Variants in TACR1 observed in about 807,000 individuals in gnomAD.
TACR1 encodes tachykinin receptor 1.
TACR1 carries 25 observed loss-of-function variants against 35.8 expected under a neutral mutation model. That is an observed-to-expected ratio of 0.70 (90% confidence interval 0.51 to 0.98). The LOEUF is 0.98. Among genes scored for constraint, TACR1 ranks in the 50% least tolerant of loss-of-function variants. The probability of loss-of-function intolerance (pLI) is 0.00; values close to 1 mark genes in which losing one functional copy is unlikely to be tolerated. For synonymous variants in TACR1, 195 were observed against 206.7 expected, an observed-to-expected ratio of 0.94 and a Z score of 0.48; for missense variants, 478 against 522.9, an observed-to-expected ratio of 0.91 and a Z score of 0.84.
chr2:75,085,834 A>C (rs1673178842), intron 2 of TACR1, among the ~76,000 whole-genome samples: 1 of 152,156 alleles, frequency 6.6e-6, no homozygotes, highest in Non-Finnish European at 1.5e-5. Flanking sequence ...GAACATTTTC[A>C]GATTTCCTCA....
chr2:75,180,234 A>T (rs189123160), intron 1 of TACR1, among the ~76,000 whole-genome samples: 30 of 152,312 alleles, frequency 2.0e-4, no homozygotes, highest in Middle Eastern at 6.8e-3. Flanking sequence ...TACATATTTT[A>T]TAGTTTATTG....
chr2:75,103,093 C>T (rs974358159), intron 2 of TACR1, among the ~76,000 whole-genome samples: 1 of 152,118 alleles, frequency 6.6e-6, no homozygotes, highest in Non-Finnish European at 1.5e-5. Context: ...TCTATCAATA[C>T]TTACTATATT....
Position 75,198,850 on chromosome 2 carries a change from CT to C in TACR1, c.84del (p.Ala29ProfsTer16). 1 of 1,614,130 alleles carries C rather than the reference CT, an allele frequency of 6.2e-7. No homozygotes were observed. Among genetic ancestry groups the C allele is most frequent in the Non-Finnish European group, 8.5e-7 (1 of 1,180,032 alleles). On this transcript the variant is annotated frameshift_variant, in exon 1 of 5. Coordinates refer to ENST00000305249, the MANE Select transcript of TACR1 (RefSeq NM_001058.4). LOFTEE classifies it high-confidence loss of function. ...NTSEPNQFVQ[P>X]AWQIVLWAAA... ...GCTGCCCAAAGGACAATTTGCCAGGCTGGTTGCACGAACTGATTGGGTTCCG... is the reference window on the plus strand; with the variant it reads ...GCTGCCCAAAGGACAATTTGCCAGGCGGTTGCACGAACTGATTGGGTTCCG...
intron 1 of TACR1, among the ~76,000 whole-genome samples, chr2:75,121,901 C>A (rs1211672517): frequency 6.6e-6 from 1 of 152,168 alleles, no homozygotes; most frequent in Non-Finnish European, 1.5e-5. Flanking sequence ...AGTAGCAGAG[C>A]TGTCAGCTGG....
chr2:75,115,757 A>G, intron 2 of TACR1, among the ~76,000 whole-genome samples: 1 of 152,006 alleles, frequency 6.6e-6, no homozygotes, highest in Admixed American at 6.5e-5. Flanking sequence ...ATACAAAAAA[A>G]TTAGCCGGGC....
chr2:75,197,239 G>C (rs1405744882), intron 1 of TACR1, among the ~76,000 whole-genome samples: 3 of 152,142 alleles, frequency 2.0e-5, no homozygotes, highest in Non-Finnish European at 4.4e-5. Context: ...ATCAGTATTT[G>C]GACACCACTG....
intron 1 of TACR1, among the ~76,000 whole-genome samples, chr2:75,154,060 C>T (rs567664108): frequency 5.9e-5 from 9 of 152,128 alleles, no homozygotes; most frequent in Middle Eastern, 3.4e-3. Context: ...AATTGAAGGG[C>T]GGGGGTGTGG....
chr2:75,051,584 G>C, intron 3 of TACR1, 137 bp from the exon 4 acceptor site: 1 of 1,480,794 alleles, frequency 6.8e-7, no homozygotes, highest in East Asian at 2.5e-5. Flanking sequence ...CTTCAAGGAG[G>C]AGAAAGGATC....
Position 75,049,551 on chromosome 2 carries a change from G to C in TACR1, c.1105C>G (p.Pro369Ala), listed in dbSNP as rs776875476. Residue 369 changes from proline (P) to alanine (A), a missense_variant, in exon 5 of 5, where the codon CCA (proline) becomes GCA (alanine). Transcript: ENST00000305249. ...GGTGTGGCCTTGGGGCCGTCCTCTG[G>C]CTCCTCCTCGTGGGCCCCCACCACT... Reference protein sequence around the residue: ...STVVGAHEEEPEDGPKATPSS... With the variant: ...STVVGAHEEEAEDGPKATPSS... The C allele has an allele frequency of 1.1e-5, 18 of 1,614,032 alleles. No homozygotes were observed. In the Admixed American group the frequency reaches 3.0e-4, roughly 27 times the overall value.
At chr2:75,168,515 G>A (rs934322430) in intron 1 of TACR1, among the ~76,000 whole-genome samples, 3 of 152,184 alleles carry the variant, frequency 2.0e-5, no homozygotes, top group African/African-American at 7.2e-5. Flanking sequence ...AGTGAGCCAA[G>A]GAATGCCTTT....
intron 1 of TACR1, among the ~76,000 whole-genome samples, chr2:75,185,307 CT>C (rs1220866078): frequency 1.3e-5 from 2 of 151,888 alleles, no homozygotes; most frequent in Non-Finnish European, 2.9e-5. Context: ...TATTTGCCTA[CT>C]TTTGAGTTGA....
At chr2:75,091,816 C>T (rs1673318620) in intron 2 of TACR1, among the ~76,000 whole-genome samples, 1 of 152,180 alleles carries the variant, frequency 6.6e-6, no homozygotes, top group Non-Finnish European at 1.5e-5. Flanking sequence ...CAGTGCCGTG[C>T]ACTCTTGGGG....
At chr2:75,065,985 C>T (rs1573462874) in intron 2 of TACR1, among the ~76,000 whole-genome samples, 1 of 152,166 alleles carries the variant, frequency 6.6e-6, no homozygotes, top group East Asian at 1.9e-4. Context: ...TTGCTGTGCC[C>T]TGAAAATATG....
In TACR1 at chr2:75,053,632, G is replaced by A. The variant is rs775050504; in HGVS notation, c.708C>T (p.Tyr236=). 3 of 1,570,624 alleles carry A rather than the reference G, an allele frequency of 1.9e-6. No homozygotes were observed. The highest frequency in any genetic ancestry group is 1.8e-5 in the Admixed American group (1 of 54,080). ...SEIPGDSSDR[Y]HEQVSAKRKV... ...TGCGCTTGGCAGAGACTTGCTCGTG[G>A]TAGCGGTCAGAGGAGTCCCCGGGGA... Residue 236 remains tyrosine, a synonymous_variant, in exon 3 of 5, where the codon TAC becomes TAT. Transcript: ENST00000305249.
chr2:75,084,071 A>G (rs374468088), intron 2 of TACR1, among the ~76,000 whole-genome samples: 5 of 152,104 alleles, frequency 3.3e-5, no homozygotes, highest in African/African-American at 7.2e-5. Flanking sequence ...GTTTGTCATA[A>G]ATAGCTCTTA....
intron 1 of TACR1, among the ~76,000 whole-genome samples, chr2:75,191,429 T>G (rs1675844979): frequency 6.6e-6 from 1 of 151,726 alleles, no homozygotes; most frequent in Non-Finnish European, 1.5e-5. Flanking sequence ...ATGGAGGAGG[T>G]GCTTATCATT....
At chr2:75,139,169 A>G (rs1674353813) in intron 1 of TACR1, among the ~76,000 whole-genome samples, 1 of 152,226 alleles carries the variant, frequency 6.6e-6, no homozygotes, top group Admixed American at 6.5e-5. Context: ...TATTTAACCA[A>G]TGGGGCTGTC....
intron 1 of TACR1, among the ~76,000 whole-genome samples, chr2:75,124,972 G>T (rs1238997550): frequency 1.3e-5 from 2 of 152,146 alleles, no homozygotes; most frequent in East Asian, 3.9e-4. Context: ...ATAAGACCCT[G>T]GTTCTAATGT....
chr2:75,195,941 A>T (rs1236322103), intron 1 of TACR1, among the ~76,000 whole-genome samples: 4 of 152,230 alleles, frequency 2.6e-5, no homozygotes, highest in Non-Finnish European at 5.9e-5. Context: ...AACCTCAATT[A>T]TGTAGTATAA....
Sources: allele counts gnomAD v4.1 joint callset (sites outside exome capture counted in the v4.1 genomes callset), GRCh38; gene constraint gnomAD v4.1.1; transcripts MANE v1.5; gene names NCBI Gene and HGNC (gene_info 2026-07-23, HGNC 2026-07-21).